Variants in RAPGEF4 observed in about 807,000 individuals in gnomAD.
RAPGEF4 encodes the protein Rap guanine nucleotide exchange factor 4.
Under a neutral mutation model 147.9 loss-of-function variants are expected in RAPGEF4, and 66 were observed. The ratio of observed to expected loss-of-function variants is 0.45; its 90% CI spans 0.37 to 0.55. The LOEUF (loss-of-function observed/expected upper bound fraction) is 0.55, where lower values mean the gene tolerates loss of function less well. Ranked by LOEUF, RAPGEF4 falls within the 20% of genes least tolerant of loss-of-function variation. RAPGEF4 has a pLI of 0.00. For missense variants in RAPGEF4, 1,071 were observed against 1,257.3 expected, an observed-to-expected ratio of 0.85 and a Z score of 2.24; for synonymous variants, 419 against 442.7, an observed-to-expected ratio of 0.95 and a Z score of 0.67.
At chr2:172,899,833 A>AGGCAC (rs1339287778) in intron 4 of RAPGEF4, among the ~76,000 whole-genome samples, 1 of 152,162 alleles carries the variant, frequency 6.6e-6, no homozygotes, top group African/African-American at 2.4e-5. Flanking sequence ...AGGTATGGCA[A>AGGCAC]GGAGAAGGCA....
rs76484070 is a variant in RAPGEF4, at chr2:172,869,149, A to G, written c.445-48653A>G. 6.7e-3 allele frequency among the ~76,000 whole-genome samples: 1,024 copies of G among 152,308 alleles called. 10 individuals are homozygous for G. Among genetic ancestry groups the G allele is most frequent in the Admixed American group, 0.021 (327 of 15,302 alleles). The stretch of plus-strand genomic sequence containing the variant: ...AATCTCCAGAATGATTCATTTCCCT[A>G]TCTGTAAAATATGAAGACTAACCCT... On this transcript the variant is annotated intron_variant, in intron 4 of 30. Coordinates refer to ENST00000397081, the MANE Select transcript of RAPGEF4 (RefSeq NM_007023.4).
At chr2:172,993,272 G>A (rs891208537) in intron 15 of RAPGEF4, among the ~76,000 whole-genome samples, 1 of 152,092 alleles carries the variant, frequency 6.6e-6, no homozygotes, top group African/African-American at 2.4e-5. Flanking sequence ...TTACTGTTTC[G>A]CATGTCTTTC....
chr2:173,009,200 T>G (rs898050888), intron 17 of RAPGEF4, among the ~76,000 whole-genome samples: 1 of 152,262 alleles, frequency 6.6e-6, no homozygotes, highest in African/African-American at 2.4e-5. Context: ...TGATCTGTAT[T>G]TGACATCTTG....
intron 17 of RAPGEF4, among the ~76,000 whole-genome samples, chr2:173,009,601 T>C (rs1404532841): frequency 6.6e-5 from 10 of 152,150 alleles, no homozygotes; most frequent in Non-Finnish European, 1.0e-4. Flanking sequence ...AAAAAAAATC[T>C]GAAATCCAAA....
chr2:172,892,444 C>T (rs996201481), intron 4 of RAPGEF4, among the ~76,000 whole-genome samples: 1 of 152,224 alleles, frequency 6.6e-6, no homozygotes, highest in African/African-American at 2.4e-5. Context: ...ACACCCCTCC[C>T]TAGTTATTCC....
intron 4 of RAPGEF4, among the ~76,000 whole-genome samples, chr2:172,879,974 T>C (rs988239422): frequency 6.6e-6 from 1 of 152,176 alleles, no homozygotes; most frequent in African/African-American, 2.4e-5. Context: ...GGTTGGTCCA[T>C]TTATATAATG....
In RAPGEF4 at chr2:173,036,621, T is replaced by G. The variant is rs986916691; in HGVS notation, c.2789-7T>G. 3 of 1,597,398 alleles carry G rather than the reference T, an allele frequency of 1.9e-6. No individual in the cohort carries two copies. Among genetic ancestry groups the G allele is most frequent in the Non-Finnish European group, 2.6e-6 (3 of 1,171,874 alleles). ...GTGATTAGAATGTGGCTTTTATTTC[T>G]TTACAGATATGACATTTACTCATGA... On this transcript the variant is annotated splice_region_variant and splice_polypyrimidine_tract_variant and intron_variant, in intron 28 of 30. Transcript: ENST00000397081.
At chr2:173,039,359 G>A (rs1684459724) in intron 29 of RAPGEF4, among the ~76,000 whole-genome samples, 1 of 152,008 alleles carries the variant, frequency 6.6e-6, no homozygotes, top group Non-Finnish European at 1.5e-5. Flanking sequence ...CAGCTACTCG[G>A]GAAGCTGAGG....
intron 1 of RAPGEF4, among the ~76,000 whole-genome samples, chr2:172,778,443 AC>A (rs1226257538): frequency 1.3e-5 from 2 of 151,674 alleles, no homozygotes; most frequent in African/African-American, 2.4e-5. Flanking sequence ...AAAATTAAGC[AC>A]CCCCCTCCCC....
intron 1 of RAPGEF4, among the ~76,000 whole-genome samples, chr2:172,762,083 T>C (rs1346148495): frequency 6.6e-6 from 1 of 152,312 alleles, no homozygotes; most frequent in African/African-American, 2.4e-5. Flanking sequence ...GATCGTGCCA[T>C]GGCACTCCAG....
intron 29 of RAPGEF4, among the ~76,000 whole-genome samples, chr2:173,040,358 C>A (rs893577004): frequency 6.6e-6 from 1 of 152,220 alleles, no homozygotes; most frequent in Non-Finnish European, 1.5e-5. Context: ...CCACCACTAC[C>A]ATCAGTGGCT....
At chr2:172,793,806 A>AT (rs962155878) in intron 1 of RAPGEF4, among the ~76,000 whole-genome samples, 33 of 151,790 alleles carry the variant, frequency 2.2e-4, no homozygotes, top group East Asian at 7.8e-4. Context: ...TATTCCAGAG[A>AT]TTTTTTTTTA....
chr2:172,962,164 A>C (rs1177480883), intron 8 of RAPGEF4, among the ~76,000 whole-genome samples: 1 of 152,204 alleles, frequency 6.6e-6, no homozygotes, highest in Non-Finnish European at 1.5e-5. Context: ...TAGAATTGCC[A>C]ATATGTGGCA....
chr2:172,861,899 A>G (rs950302832), intron 4 of RAPGEF4, among the ~76,000 whole-genome samples: 20 of 152,280 alleles, frequency 1.3e-4, no homozygotes, highest in Non-Finnish European at 2.4e-4. Flanking sequence ...ATTTCCTTGA[A>G]CTTGTCCTTG....
chr2:172,871,616 A>G (rs1177842123), intron 4 of RAPGEF4, among the ~76,000 whole-genome samples: 1 of 150,094 alleles, frequency 6.7e-6, no homozygotes, highest in Non-Finnish European at 1.5e-5. Flanking sequence ...TTTGACCCAA[A>G]AAAGCAGACT....
intron 30 of RAPGEF4, among the ~76,000 whole-genome samples, chr2:173,049,483 A>G (rs1685931377): frequency 6.6e-6 from 1 of 152,240 alleles, no homozygotes. Flanking sequence ...ATACTATGAC[A>G]TAGACATGAA....
chr2:172,890,062 T>A (rs1296765881), intron 4 of RAPGEF4, among the ~76,000 whole-genome samples: 1 of 152,242 alleles, frequency 6.6e-6, no homozygotes, highest in African/African-American at 2.4e-5. Context: ...TGACCAGACA[T>A]CTTAATAGTA....
chr2:172,889,106 C>G (rs992204596), intron 4 of RAPGEF4, among the ~76,000 whole-genome samples: 2 of 152,112 alleles, frequency 1.3e-5, no homozygotes, highest in African/African-American at 4.8e-5. Flanking sequence ...GTAGGAAAAT[C>G]ATATTTATCA....
At chr2:172,862,049 G>A (rs1016419005) in intron 4 of RAPGEF4, among the ~76,000 whole-genome samples, 5 of 152,226 alleles carry the variant, frequency 3.3e-5, no homozygotes, top group South Asian at 4.1e-4. Context: ...TAGGCGATGG[G>A]AAGTTTGAAT....
Sources: allele counts gnomAD v4.1 joint callset (sites outside exome capture counted in the v4.1 genomes callset), GRCh38; gene constraint gnomAD v4.1.1; transcripts MANE v1.5; gene names NCBI Gene and HGNC (gene_info 2026-07-23, HGNC 2026-07-21).